Variants in KIF13A observed in about 807,000 individuals in gnomAD.
KIF13A encodes kinesin family member 13A.
KIF13A carries 79 observed loss-of-function variants against 212.2 expected under a neutral mutation model. The observed-to-expected ratio is 0.37, with a 90% CI of 0.31 to 0.45. The LOEUF (loss-of-function observed/expected upper bound fraction) is 0.45, where lower values mean the gene tolerates loss of function less well. KIF13A is among the 20% of genes least tolerant of loss of function. The pLI, the probability that KIF13A is intolerant of heterozygous loss-of-function variation, is 1.00. For missense variants in KIF13A, 1,901 were observed against 2,209.0 expected (o/e 0.86, Z 2.79); for synonymous variants, 789 against 808.6 (o/e 0.98, Z 0.41).
intron 16 of KIF13A, among the ~76,000 whole-genome samples, chr6:17,821,248 G>A (rs575364781): frequency 8.4e-4 from 128 of 152,260 alleles, no homozygotes; most frequent in Non-Finnish European, 1.7e-3. Context: ...CCCCTGGGAA[G>A]AAGGCATTAT....
Position 17,783,720 on chromosome 6 carries a change from T to G in KIF13A, c.3489-19A>C, listed in dbSNP as rs1240014584. The G allele has an allele frequency of 2.0e-6, 3 of 1,484,820 alleles. No individual in the cohort carries two copies. The highest frequency in any genetic ancestry group is 4.8e-5 in the East Asian group (2 of 41,870). The allele number at this position is 1,484,820 out of a possible 1,614,324, so 92.0% of individuals were successfully genotyped here. ...TGGGATCCTAAATTTAATAACAACA[T>G]TTAATCATAACAAAATATGTATTTT... On this transcript the variant is annotated intron_variant, in intron 28 of 38. Transcript: ENST00000259711. The surrounding 1 kb of genome is among the most constrained non-coding windows in gnomAD (Gnocchi z 4.3).
chr6:17,973,296 A>C (rs2150614116), intron 2 of KIF13A, among the ~76,000 whole-genome samples: 1 of 152,364 alleles, frequency 6.6e-6, no homozygotes, highest in East Asian at 1.9e-4. Context: ...GATTCAAATC[A>C]GATGATTTTG....
chr6:17,761,681 C>G (rs182994462), downstream of KIF13A, among the ~76,000 whole-genome samples: 34 of 152,090 alleles, frequency 2.2e-4, no homozygotes, highest in African/African-American at 7.7e-4. Flanking sequence ...CTGCGCTCCG[C>G]TAAAAACTCT....
chr6:17,761,385 A>AC (rs1200401495), downstream of KIF13A, among the ~76,000 whole-genome samples: 2 of 148,636 alleles, frequency 1.3e-5, no homozygotes, highest in South Asian at 2.1e-4. Context: ...CTGGCCGCCA[A>AC]AATTTTTTTT....
chr6:17,869,848 G>A (rs1189492070), intron 4 of KIF13A, among the ~76,000 whole-genome samples: 2 of 152,144 alleles, frequency 1.3e-5, no homozygotes, highest in Non-Finnish European at 2.9e-5. Flanking sequence ...TTTTGAGAGC[G>A]GCTTTGAGAG....
At chr6:17,770,307 T>C (rs1436183724) in intron 38 of KIF13A, 1 of 147,692 alleles carries the variant, frequency 6.8e-6, no homozygotes, top group African/African-American at 2.5e-5. Context: ...CACAGGAGAG[T>C]GAAAGCTGAG....
At chr6:17,885,616 T>C (rs558352267) in intron 3 of KIF13A, among the ~76,000 whole-genome samples, 43 of 152,218 alleles carry the variant, frequency 2.8e-4, no homozygotes, top group Non-Finnish European at 5.9e-4. Flanking sequence ...TTCAAATTTC[T>C]ATGGATGCAA....
intron 2 of KIF13A, among the ~76,000 whole-genome samples, chr6:17,938,029 T>C (rs187588702): frequency 6.6e-6 from 1 of 151,362 alleles, no homozygotes; most frequent in Admixed American, 6.6e-5. Context: ...ATTACAGGCA[T>C]AAGCCACCGT....
rs370587962 is a variant in KIF13A, at chr6:17,794,568, G to A, written c.3075+4C>T. ...TAAAAAAAAACCCAAAACAAACTCA[G>A]TACCTGTCTAAGTTGAAAGATGCCT... On this transcript the variant is annotated splice_donor_region_variant and intron_variant, in intron 24 of 38. Transcript: ENST00000259711. This position sits in a 1 kb window ranked among gnomAD's most constrained non-coding sequence, Gnocchi z 4.1. 104 of 1,601,474 alleles carry A rather than the reference G, an allele frequency of 6.5e-5. No homozygotes were observed. The highest frequency in any genetic ancestry group is 8.1e-5 in the Non-Finnish European group (95 of 1,176,312).
chr6:17,972,730 A>T (rs1204156326), intron 2 of KIF13A, among the ~76,000 whole-genome samples: 2 of 150,638 alleles, frequency 1.3e-5, no homozygotes, highest in African/African-American at 4.9e-5. Context: ...TGTGCAGTCT[A>T]GGGAGTGTCT....
intron 3 of KIF13A, among the ~76,000 whole-genome samples, chr6:17,876,349 T>C (rs962137662): frequency 1.3e-5 from 2 of 152,178 alleles, no homozygotes; most frequent in Admixed American, 6.5e-5. Flanking sequence ...AAATTCCTCA[T>C]GCTCCAGTGG....
intron 22 of KIF13A, among the ~76,000 whole-genome samples, chr6:17,798,825 T>C (rs767988005): frequency 1.1e-4 from 17 of 152,202 alleles, no homozygotes; most frequent in Non-Finnish European, 2.2e-4. Context: ...TACATTAGAA[T>C]GTAATGCTAT....
intron 2 of KIF13A, among the ~76,000 whole-genome samples, chr6:17,943,005 A>AAAACAG (rs1777084427): frequency 6.6e-6 from 1 of 152,082 alleles, no homozygotes; most frequent in African/African-American, 2.4e-5. Flanking sequence ...AACAAAAACA[A>AAAACAG]AAAACAAAAA....
chr6:17,760,030 T>C (rs1758517821), downstream of KIF13A: 2 of 152,106 alleles, frequency 1.3e-5, no homozygotes, highest in Non-Finnish European at 2.9e-5. Context: ...AGTCAGCAGG[T>C]GGAGGGGCAG....
intron 9 of KIF13A, among the ~76,000 whole-genome samples, chr6:17,842,259 C>T (rs1006855495): frequency 6.6e-6 from 1 of 151,802 alleles, no homozygotes; most frequent in African/African-American, 2.4e-5. Flanking sequence ...CTATGTTGCC[C>T]AGGTTGGTCT....
At chr6:17,878,195 C>A (rs1770742392) in intron 3 of KIF13A, among the ~76,000 whole-genome samples, 1 of 152,024 alleles carries the variant, frequency 6.6e-6, no homozygotes, top group Non-Finnish European at 1.5e-5. Flanking sequence ...CAAGGGGGCA[C>A]TGGAAAAAAC....
intron 2 of KIF13A, among the ~76,000 whole-genome samples, chr6:17,949,723 T>C (rs943758492): frequency 2.0e-5 from 3 of 152,012 alleles, no homozygotes; most frequent in African/African-American, 7.2e-5. Context: ...TGTCAGGGGG[T>C]TCACTGCCTT....
rs751110805 is a variant in KIF13A, at chr6:17,831,248, A to C, written c.1267-13T>G. The C allele has an allele frequency of 5.0e-6, 8 of 1,602,046 alleles. No homozygotes were observed. The highest frequency in any genetic ancestry group is 5.9e-6 in the Non-Finnish European group (7 of 1,176,752). The stretch of plus-strand genomic sequence containing the variant: ...GTCGTTGTCTTTCCTGTGCACAAAA[A>C]CAGACAAAAGAAGGAAACTCTGTTT... On this transcript the variant is annotated splice_polypyrimidine_tract_variant and intron_variant, in intron 12 of 38. Transcript: ENST00000259711.
At position 17,825,957 on chromosome 6, in the gene KIF13A, A is replaced by T; in HGVS notation, c.1620-23T>A. 6.2e-7 allele frequency: 1 copy of T among 1,612,954 alleles called. No individual in the cohort carries two copies. Among genetic ancestry groups the T allele is most frequent in the East Asian group, 2.2e-5 (1 of 44,878 alleles). On this transcript the variant is annotated intron_variant, in intron 15 of 38. Transcript: ENST00000259711. The surrounding 1 kb of genome is among the most constrained non-coding windows in gnomAD (Gnocchi z 4.5). Reference sequence around the variant, plus strand: ...ATTCTGTGGGGTTTTTCACCATTAGAGAAAATCAACTTGTTTTACACTTAA... The same window carrying T: ...ATTCTGTGGGGTTTTTCACCATTAGTGAAAATCAACTTGTTTTACACTTAA...
Sources: gnomAD v4.1 joint callset for allele counts (sites outside exome capture counted in the v4.1 genomes callset) on GRCh38, gnomAD v4.1.1 for gene constraint, Gnocchi (gnomAD v3.1) non-coding constraint, MANE v1.5 for transcripts, NCBI Gene and HGNC (gene_info 2026-07-23, HGNC 2026-07-21) for gene names.